OPHN1: variants seen among roughly 807,000 people sequenced by gnomAD.
The protein encoded by OPHN1 is oligophrenin-1.
In OPHN1, 11 loss-of-function variants were observed where a neutral mutation model predicts 60.7. The ratio of observed to expected loss-of-function variants is 0.18; its 90% CI spans 0.11 to 0.30. The LOEUF is 0.30. Ranked by LOEUF, OPHN1 falls within the 10% of genes least tolerant of loss-of-function variation. The pLI is 1.00. For synonymous variants in OPHN1, 226 were observed against 222.6 expected (o/e 1.02, Z -0.14); for missense variants, 449 against 611.0 (o/e 0.73, Z 2.80).
chrX:68,044,377 T>C lies in OPHN1; in HGVS notation c.*2795A>G, dbSNP rs1307136653. The C allele has an allele frequency of 1.8e-5, 2 of 112,778 alleles. No homozygotes were observed. The highest frequency in any genetic ancestry group is 5.6e-4 in the East Asian group (2 of 3,587). 9.3% of individuals were successfully genotyped at this position (112,778 alleles called of 1,213,427 possible). On this transcript the variant is annotated 3_prime_UTR_variant, in exon 25 of 25. Coordinates refer to ENST00000355520, the MANE Select transcript of OPHN1 (RefSeq NM_002547.3). ...TTACTTTAGCCCCCTGGGCCATAAT[T>C]TCTTTCTCTGTAAAATGAGAATACT...
At chrX:68,159,779 C>T (rs1351911529) in intron 15 of OPHN1, among the ~76,000 whole-genome samples, 2 of 110,188 alleles carry the variant, frequency 1.8e-5, no homozygotes, top group Non-Finnish European at 3.8e-5. Flanking sequence ...ATTAAGAAAA[C>T]GAGTAAAATA....
At chrX:68,426,569 T>TATATATATATATATATAAAA (rs1266981689) in intron 2 of OPHN1, among the ~76,000 whole-genome samples, 1 of 41,581 alleles carries the variant, frequency 2.4e-5, no homozygotes, top group Non-Finnish European at 7.0e-5. Context: ...TATATATATA[T>TATATATATATATATATAAAA]ACATACACAG....
intron 15 of OPHN1, among the ~76,000 whole-genome samples, chrX:68,125,364 GATA>G (rs775017824): frequency 3.6e-5 from 4 of 111,350 alleles, no homozygotes; most frequent in Admixed American, 1.9e-4. Context: ...AATTTGACAT[GATA>G]ATAATACAAA....
At position 68,433,175 on chromosome X, in the gene OPHN1, A is replaced by T. The variant is rs1462455043; in HGVS notation, c.-12T>A. 2 of 557,245 alleles carry T rather than the reference A, an allele frequency of 3.6e-6. No homozygotes were observed. Among genetic ancestry groups the T allele is most frequent in the East Asian group, 7.3e-5 (2 of 27,504 alleles). The allele number at this position is 557,245 out of a possible 1,213,427, so 45.9% of individuals were successfully genotyped here. A position where few individuals can be genotyped will look rare whatever the true frequency, so the allele number is the denominator to read the frequency against. ...CCTTTGGAGGACAGGTACCTGTTTC[A>T]GTGAGACTCCTGAGGAGCGCTGGCT... On this transcript the variant is annotated 5_prime_UTR_variant, in exon 1 of 25. Transcript: ENST00000355520.
rs975307494 is a variant in OPHN1 at position 68,055,337 on chromosome X, C to T, written c.2159-1527G>A. On this transcript the variant is annotated intron_variant, in intron 21 of 24. Coordinates refer to ENST00000355520, the MANE Select transcript of OPHN1 (RefSeq NM_002547.3). ...AAACCCCTCCTCTTCATGCAGCCAA[C>T]AGACACATTAAAAAATGTTCATCAT... Among the ~76,000 whole-genome samples the T allele has an allele frequency of 3.6e-5, 4 of 112,222 alleles. No individual in the cohort carries two copies. In the South Asian group the frequency reaches 1.5e-3, roughly 41 times the overall value.
Position 68,252,058 on chromosome X carries a change from G to A in OPHN1, c.385-17470C>T, listed in dbSNP as rs753965679. ...TGAGCCTAGCTTTGAAAGACCTCACGTGTCTCTGCTTACCCACCATGCACT... is the reference window on the plus strand; with the variant it reads ...TGAGCCTAGCTTTGAAAGACCTCACATGTCTCTGCTTACCCACCATGCACT... On this transcript the variant is annotated intron_variant, in intron 5 of 24. Coordinates refer to ENST00000355520, the MANE Select transcript of OPHN1 (RefSeq NM_002547.3). Among the ~76,000 whole-genome samples, 13 of 111,674 alleles carry A rather than the reference G, an allele frequency of 1.2e-4. 1 individual carries two copies. Among genetic ancestry groups the A allele is most frequent in the Non-Finnish European group, 1.3e-4 (7 of 53,199 alleles).
chrX:68,108,482 ATTT>A (rs772143670), intron 18 of OPHN1, among the ~76,000 whole-genome samples: 1 of 111,521 alleles, frequency 9.0e-6, no homozygotes, highest in Non-Finnish European at 1.9e-5. Context: ...TAATGTTAAA[ATTT>A]TTTTTCCTTA....
chrX:68,123,435 T>C (rs1220196807), intron 15 of OPHN1, among the ~76,000 whole-genome samples: 1 of 111,531 alleles, frequency 9.0e-6, no homozygotes, highest in Non-Finnish European at 1.9e-5. Context: ...ACACAGAATA[T>C]TATAACACCG....
chrX:68,089,289 T>C (rs2077007271), intron 19 of OPHN1, among the ~76,000 whole-genome samples: 1 of 111,142 alleles, frequency 9.0e-6, no homozygotes, highest in African/African-American at 3.3e-5. Flanking sequence ...TACAAGAAAA[T>C]CGCTGGCCAT....
intron 2 of OPHN1, among the ~76,000 whole-genome samples, chrX:68,328,814 T>C (rs1367634943): frequency 1.8e-5 from 2 of 112,128 alleles, no homozygotes; most frequent in Non-Finnish European, 3.8e-5. Flanking sequence ...AATAAACACA[T>C]TGTAACATAC....
intron 2 of OPHN1, among the ~76,000 whole-genome samples, chrX:68,339,445 T>A (rs777524148): frequency 3.6e-5 from 4 of 110,942 alleles, no homozygotes; most frequent in Non-Finnish European, 5.7e-5. Flanking sequence ...GTGAAAAACA[T>A]GCAGATTGGA....
At chrX:68,377,382 C>T (rs1254997229) in intron 2 of OPHN1, among the ~76,000 whole-genome samples, 1 of 109,341 alleles carries the variant, frequency 9.1e-6, no homozygotes, top group African/African-American at 3.3e-5. Flanking sequence ...AGGTGTGAGC[C>T]ACTGCACCCA....
At chrX:68,201,541 C>T (rs910927885) in intron 11 of OPHN1, 78 bp downstream of exon 11, 9 of 791,887 alleles carry the variant, frequency 1.1e-5, no homozygotes, top group East Asian at 3.2e-5. Flanking sequence ...CGTGGGATGA[C>T]GGAGGAAAAT....
chrX:68,432,537 G>T (rs1172693503), intron 2 of OPHN1, among the ~76,000 whole-genome samples: 2 of 111,514 alleles, frequency 1.8e-5, no homozygotes, highest in African/African-American at 6.5e-5. Context: ...CCCAGACAGG[G>T]GTGCTGAATA....
chrX:68,279,146 T>C (rs1432289902), intron 4 of OPHN1, among the ~76,000 whole-genome samples: 1 of 82,275 alleles, frequency 1.2e-5, no homozygotes, highest in Non-Finnish European at 2.3e-5. Flanking sequence ...GGCAGGGCCT[T>C]ACTCGCCCAG....
chrX:68,112,319 TGAGAA>T (rs906725385), intron 17 of OPHN1: 1 of 148,540 alleles, frequency 6.7e-6, no homozygotes, highest in Non-Finnish European at 1.3e-5. Context: ...AAGAGAAGGA[TGAGAA>T]GAGAAGACTG....
chrX:68,290,240 G>A (rs1397111429), intron 3 of OPHN1, among the ~76,000 whole-genome samples: 1 of 111,130 alleles, frequency 9.0e-6, no homozygotes, highest in East Asian at 2.8e-4. Context: ...TAGGCAGATC[G>A]CTTGAGCTCA....
chrX:68,121,909 A>C (rs1467875476), intron 15 of OPHN1, among the ~76,000 whole-genome samples: 1 of 109,105 alleles, frequency 9.2e-6, no homozygotes, highest in Non-Finnish European at 1.9e-5. Flanking sequence ...ACATTTCTAC[A>C]CACACCTGGG....
At chrX:68,370,886 A>G (rs760425510) in intron 2 of OPHN1, among the ~76,000 whole-genome samples, 1 of 111,774 alleles carries the variant, frequency 8.9e-6, no homozygotes, top group Admixed American at 9.6e-5. Flanking sequence ...AAAAAGAAGA[A>G]GGGACTCAAA....
Sources: gnomAD v4.1 joint callset for allele counts (sites outside exome capture counted in the v4.1 genomes callset) on GRCh38, gnomAD v4.1.1 for gene constraint, MANE v1.5 for transcripts, NCBI Gene and HGNC (gene_info 2026-07-23, HGNC 2026-07-21) for gene names.